Variants in GJA8 observed in about 807,000 individuals in gnomAD.
GJA8 encodes gap junction protein alpha 8.
A neutral mutation model predicts 15.3 loss-of-function variants in GJA8; 13 were observed. The observed-to-expected ratio is 0.85, with a 90% CI of 0.55 to 1.35. The LOEUF (loss-of-function observed/expected upper bound fraction) is 1.35. Ranked by LOEUF, GJA8 falls within the 40% of genes most tolerant of loss-of-function variation. GJA8 has a pLI of 0.00. For missense variants in GJA8, 607 were observed against 553.3 expected, an observed-to-expected ratio of 1.10 and a Z score of -0.97; for synonymous variants, 304 against 238.7, an observed-to-expected ratio of 1.27 and a Z score of -2.52.
rs782055668 is a variant in GJA8, at chr1:147,909,263, C to A, written c.*6C>A. 7 of 1,232,134 alleles carry A rather than the reference C, an allele frequency of 5.7e-6. No homozygotes were observed. The African/African-American group carries it at 7.6e-5, about 13-fold the overall frequency. 76.3% of individuals were successfully genotyped at this position (1,232,134 alleles called of 1,614,324 possible). A position where few individuals can be genotyped will look rare whatever the true frequency, so the allele number is the denominator to read the frequency against. ...CAGACGATCTAACCGTATGAAGTGA[C>A]GCCAAAGAAAAAAAAAAAAACGCCC... On this transcript the variant is annotated 3_prime_UTR_variant, in exon 2 of 2. Transcript: ENST00000369235.
At chr1:147,907,410 C>G (rs1190785022) in intron 1 of GJA8, among the ~76,000 whole-genome samples, 3 of 152,134 alleles carry the variant, frequency 2.0e-5, no homozygotes, top group Admixed American at 6.5e-5. Context: ...AATCCCCTTC[C>G]ACTTCCCTTC....
rs1483268829 is a variant in GJA8 at position 147,908,933 on chromosome 1, G to C, written c.978G>C (p.Val326=). The C allele has an allele frequency of 4.3e-6, 7 of 1,610,334 alleles. No homozygotes were observed. The Admixed American group carries it at 1.2e-4, about 27-fold the overall frequency. The part of the protein sequence containing the change: ...YQETLPSYAQ[V]GAQEVEGEGP... ...AGACACTGCCTTCCTACGCTCAGGT[G>C]GGGGCACAAGAAGTGGAGGGCGAGG... Residue 326 remains valine (V), a synonymous_variant, in exon 2 of 2, where the codon GTG becomes GTC. Transcript: ENST00000369235.
At chr1:147,909,270 G>GGA, downstream of GJA8, 2 of 1,095,162 alleles carry the variant, frequency 1.8e-6, no homozygotes, top group Non-Finnish European at 1.4e-6. Flanking sequence ...TGACGCCAAA[G>GGA]AAAAAAAAAA....
chr1:147,908,474 C>T lies in GJA8; in HGVS notation c.519C>T (p.Tyr173=), dbSNP rs782648768. Residue 173 remains tyrosine, a synonymous_variant, in exon 2 of 2, where the codon TAC becomes TAT. Coordinates refer to ENST00000369235, the MANE Select transcript of GJA8 (RefSeq NM_005267.5). ...VGFIVGHYFL[Y]GFRILPLYRC... ...TCATCGTGGGCCACTACTTCCTGTA[C>T]GGGTTCCGGATCCTGCCTCTGTACC... 1.9e-6 allele frequency: 3 copies of T among 1,614,210 alleles called. No homozygotes were observed. The highest frequency in any genetic ancestry group is 1.7e-6 in the Non-Finnish European group (2 of 1,180,030).
chr1:147,909,282 A>AAAC, downstream of GJA8: 1 of 1,461,590 alleles, frequency 6.8e-7, no homozygotes, highest in Non-Finnish European at 9.5e-7. Context: ...AAAAAAAAAA[A>AAAC]ACGCCCAAGC....
At chr1:147,905,576 T>C (rs1162943491) in intron 1 of GJA8, among the ~76,000 whole-genome samples, 1 of 152,250 alleles carries the variant, frequency 6.6e-6, no homozygotes, top group Admixed American at 6.5e-5. Flanking sequence ...ACATAAATTT[T>C]AGAATGAACT....
In GJA8 at chr1:147,908,732, C is replaced by T. The variant is rs959340023; in HGVS notation, c.777C>T (p.Ser259=). 3.1e-6 allele frequency: 5 copies of T among 1,613,958 alleles called. No homozygotes were observed. The highest frequency in any genetic ancestry group is 4.2e-6 in the Non-Finnish European group (5 of 1,179,952). ...EKSLHSIAVS[S]IQKAKGYQLL... is the part of the protein sequence containing the mutation. ...CCCTCCACTCCATTGCTGTCTCCTC[C>T]ATCCAGAAAGCCAAGGGCTATCAGC... The change falls in exon 2 of 2, where the codon TCC becomes TCT. Residue 259 remains serine, a synonymous_variant. Transcript: ENST00000369235.
At chr1:147,905,785 G>A (rs3937906) in intron 1 of GJA8, among the ~76,000 whole-genome samples, 1 of 151,966 alleles carries the variant, frequency 6.6e-6, no homozygotes, top group Admixed American at 6.5e-5. Flanking sequence ...TGAGTTGCTG[G>A]TTCCGATTCC....
intron 1 of GJA8, among the ~76,000 whole-genome samples, 33 bp downstream of exon 1, chr1:147,902,894 C>G (rs1651659544): frequency 6.6e-6 from 1 of 152,184 alleles, no homozygotes; most frequent in Non-Finnish European, 1.5e-5. Flanking sequence ...TAGTTTGTAA[C>G]CTTCCCCCCA....
At chr1:147,904,926 A>G (rs61810429) in intron 1 of GJA8, among the ~76,000 whole-genome samples, 1 of 152,174 alleles carries the variant, frequency 6.6e-6, no homozygotes, top group Non-Finnish European at 1.5e-5. Context: ...TTTGGTTTCA[A>G]AATTACTAAT....
In GJA8 at chr1:147,908,272, G is replaced by T; in HGVS notation, c.317G>T (p.Arg106Leu). The T allele has an allele frequency of 1.2e-6, 2 of 1,614,152 alleles. No homozygotes were observed. The highest frequency in any genetic ancestry group is 2.2e-5 in the South Asian group (2 of 91,082). ...CACTACGTCCGCATGGAGGAGAAGCGCAAAAGCCGCGAGGCGGAGGAGCTG... is the reference window on the plus strand; with the variant it reads ...CACTACGTCCGCATGGAGGAGAAGCTCAAAAGCCGCGAGGCGGAGGAGCTG... ...AVHYVRMEEK[R>L]KSREAEELGQ... Residue 106 changes from arginine (R) to leucine (L), a missense_variant, in exon 2 of 2, where the codon CGC (arginine) becomes CTC (leucine). By Grantham distance (102) the Arg-to-Leu change is moderately radical. Coordinates refer to ENST00000369235, the MANE Select transcript of GJA8 (RefSeq NM_005267.5).
chr1:147,906,447 T>C (rs1553242287), intron 1 of GJA8, among the ~76,000 whole-genome samples: 1 of 152,224 alleles, frequency 6.6e-6, no homozygotes, highest in Admixed American at 6.5e-5. Flanking sequence ...CATTATATAC[T>C]ATCATGTTTA....
At chr1:147,909,665 T>C (rs1257799211), downstream of GJA8, among the ~76,000 whole-genome samples, 8 of 152,150 alleles carry the variant, frequency 5.3e-5, no homozygotes, top group African/African-American at 1.7e-4. Context: ...GCAGATACCA[T>C]GTGACCATAT....
downstream of GJA8, among the ~76,000 whole-genome samples, chr1:147,910,999 GC>G (rs1401128795): frequency 6.6e-6 from 1 of 152,190 alleles, no homozygotes; most frequent in African/African-American, 2.4e-5. Flanking sequence ...CATACCAGGA[GC>G]AATTTTACCC....
intron 1 of GJA8, among the ~76,000 whole-genome samples, chr1:147,903,911 T>A (rs879946377): frequency 6.0e-5 from 9 of 151,094 alleles, no homozygotes; most frequent in Non-Finnish European, 1.2e-4. Context: ...TAGACTGTAG[T>A]TGTAGTTAGT....
At chr1:147,910,488 C>T (rs1048874952), downstream of GJA8, among the ~76,000 whole-genome samples, 3 of 152,166 alleles carry the variant, frequency 2.0e-5, no homozygotes, top group African/African-American at 7.2e-5. Context: ...CAATGATATG[C>T]TTTGTATTGG....
downstream of GJA8, among the ~76,000 whole-genome samples, chr1:147,911,418 C>T (rs943859961): frequency 2.6e-5 from 4 of 152,074 alleles, no homozygotes; most frequent in South Asian, 4.2e-4. Context: ...TTTGATTGTT[C>T]GGTAACTACT....
Position 147,908,349 on chromosome 1 carries a change from A to G in GJA8, c.394A>G (p.Ser132Gly). ...GGPDQGSVKK[S>G]SGSKGTKKFR... Reference sequence around the variant, plus strand: ...CCCGGACCAGGGCAGCGTCAAGAAGAGCAGCGGCAGCAAAGGCACTAAGAA... The same window carrying G: ...CCCGGACCAGGGCAGCGTCAAGAAGGGCAGCGGCAGCAAAGGCACTAAGAA... The change falls in exon 2 of 2, where the codon AGC becomes GGC. Residue 132 changes from serine (S) to glycine (G), a missense_variant. Physicochemically the swap from Ser to Gly is moderately conservative, Grantham distance 56. Coordinates refer to ENST00000369235, the MANE Select transcript of GJA8 (RefSeq NM_005267.5). 2 of 1,614,192 alleles carry G rather than the reference A, an allele frequency of 1.2e-6. No homozygotes were observed. The highest frequency in any genetic ancestry group is 1.7e-6 in the Non-Finnish European group (2 of 1,180,034).
chr1:147,904,329 ATCTAAG>A (rs141310576), intron 1 of GJA8, among the ~76,000 whole-genome samples: 4,761 of 152,260 alleles, frequency 0.031, 87 homozygotes, highest in Non-Finnish European at 0.045. Context: ...AGTCTGTGAA[ATCTAAG>A]TCTGAGAACC....
Sources: gnomAD v4.1 joint callset for allele counts (sites outside exome capture counted in the v4.1 genomes callset) on GRCh38, gnomAD v4.1.1 for gene constraint, MANE v1.5 for transcripts, NCBI Gene and HGNC (gene_info 2026-07-23, HGNC 2026-07-21) for gene names.